Variants in PEAK1 observed in about 807,000 individuals in gnomAD.
The protein encoded by PEAK1 is inactive tyrosine-protein kinase PEAK1.
A neutral mutation model predicts 124.7 loss-of-function variants in PEAK1; 54 were observed. The observed-to-expected ratio is 0.43, with a 90% CI of 0.35 to 0.54. The LOEUF (loss-of-function observed/expected upper bound fraction) is 0.54. Ranked by LOEUF, PEAK1 falls within the 20% of genes least tolerant of loss-of-function variation. The pLI, the probability that PEAK1 is intolerant of heterozygous loss-of-function variation, is 0.01. For synonymous variants in PEAK1, 719 were observed against 760.0 expected, an observed-to-expected ratio of 0.95 and a Z score of 0.89; for missense variants, 2,046 against 2,134.5, an observed-to-expected ratio of 0.96 and a Z score of 0.82.
chr15:77,312,089 A>G (rs767158069), intron 2 of PEAK1, among the ~76,000 whole-genome samples: 1 of 152,102 alleles, frequency 6.6e-6, no homozygotes, highest in Non-Finnish European at 1.5e-5. Flanking sequence ...GGACCAAAAA[A>G]TTTTTACAAG....
At chr15:77,400,511 C>G (rs1362657602) in intron 1 of PEAK1, among the ~76,000 whole-genome samples, 2 of 152,010 alleles carry the variant, frequency 1.3e-5, no homozygotes, top group Non-Finnish European at 2.9e-5. Context: ...TATGCAACAA[C>G]ATGGATGGAA....
At chr15:77,137,796 G>A (rs149744127) in intron 8 of PEAK1, among the ~76,000 whole-genome samples, 22 of 152,272 alleles carry the variant, frequency 1.4e-4, no homozygotes, top group African/African-American at 5.1e-4. Context: ...GGCCTGATAG[G>A]TTTTGAAATG....
Position 77,298,197 on chromosome 15 carries a change from A to ATTTTTTTTTTTTTTTTT in PEAK1, c.-602-11710_-602-11694dup, listed in dbSNP as rs749000554. 5.3e-4 allele frequency among the ~76,000 whole-genome samples: 20 copies of ATTTTTTTTTTTTTTTTT among 37,822 alleles called. 3 individuals carry two copies. Among genetic ancestry groups the ATTTTTTTTTTTTTTTTT allele is most frequent in the Admixed American group, 1.9e-3 (4 of 2,148 alleles). The allele number at this position is 37,822 out of a possible 152,430, so 24.8% of individuals were successfully genotyped here. A position where few individuals can be genotyped will look rare whatever the true frequency, so the allele number is the denominator to read the frequency against. ...TAGCTTCTTTTGTTTGGTATCCTTAATTTTTTTTTTTTTTTTTTTTTTTTT... is the reference window on the plus strand; with the variant it reads ...TAGCTTCTTTTGTTTGGTATCCTTAATTTTTTTTTTTTTTTTTTTTTTTTTTTTTTTTTTTTTTTTTT... On this transcript the variant is annotated intron_variant, in intron 2 of 9. Transcript: ENST00000682557.
intron 3 of PEAK1, 107 bp downstream of exon 3, chr15:77,286,316 G>A (rs2062929184): frequency 5.5e-6 from 3 of 547,112 alleles, no homozygotes; most frequent in Non-Finnish European, 8.2e-6. Context: ...TACTACTATG[G>A]CAAGGTTTAA....
At chr15:77,266,104 G>T (rs1413950359) in intron 5 of PEAK1, among the ~76,000 whole-genome samples, 1 of 152,080 alleles carries the variant, frequency 6.6e-6, no homozygotes, top group Non-Finnish European at 1.5e-5. Context: ...GACTGTTGTG[G>T]GGTGGGGAGA....
chr15:77,417,932 A>G (rs1029016300), intron 1 of PEAK1: 2 of 976,322 alleles, frequency 2.0e-6, no homozygotes, highest in African/African-American at 3.5e-5. Context: ...TTAAGCTCTC[A>G]GACTTAAATA....
chr15:77,138,879 T>G (rs145756264), intron 8 of PEAK1, among the ~76,000 whole-genome samples: 3,994 of 146,944 alleles, frequency 0.027, 88 homozygotes, highest in Non-Finnish European at 0.041. Flanking sequence ...AAAAAAAAAT[T>G]GTTTTTTCTT....
chr15:77,412,732 T>C (rs901958993), intron 1 of PEAK1, among the ~76,000 whole-genome samples: 2 of 151,574 alleles, frequency 1.3e-5, no homozygotes, highest in Non-Finnish European at 2.9e-5. Context: ...CATCCTCCAA[T>C]GAAAGGAACC....
chr15:77,253,549 T>C (rs892591636), intron 5 of PEAK1, among the ~76,000 whole-genome samples: 1 of 152,234 alleles, frequency 6.6e-6, no homozygotes. Context: ...GTAGTTCTTA[T>C]ATTGTATGTC....
At chr15:77,257,902 G>T (rs1445700779) in intron 5 of PEAK1, among the ~76,000 whole-genome samples, 1 of 152,122 alleles carries the variant, frequency 6.6e-6, no homozygotes, top group South Asian at 2.1e-4. Context: ...ATTGATTTTT[G>T]TATAAGGTGT....
intron 6 of PEAK1, among the ~76,000 whole-genome samples, chr15:77,198,905 G>T (rs12916825): frequency 0.072 from 10,971 of 152,264 alleles, 538 homozygotes; most frequent in Non-Finnish European, 0.1. Flanking sequence ...ATTGAGGAAG[G>T]ATATCTGCCT....
intron 2 of PEAK1, chr15:77,333,974 T>C (rs2066044114): frequency 2.4e-6 from 1 of 416,518 alleles, no homozygotes; most frequent in African/African-American, 2.2e-5. Context: ...TTGATTAGAA[T>C]TGCATCAAAT....
Position 77,418,353 on chromosome 15 carries a change from C to G in PEAK1, c.-666+1653G>C, listed in dbSNP as rs998983453. 10 of 984,960 alleles carry G rather than the reference C, an allele frequency of 1.0e-5. No individual in the cohort carries two copies. The African/African-American group carries it at 1.7e-4, about 17-fold the overall frequency. The allele number at this position is 984,960 out of a possible 1,614,324, so 61.0% of individuals were successfully genotyped here. Reference sequence around the variant, plus strand: ...AAAGAAAATAATTTGACATTTTTTCCCACATAATGTAGTCATGTTAGAGAA... The same window carrying G: ...AAAGAAAATAATTTGACATTTTTTCGCACATAATGTAGTCATGTTAGAGAA... On this transcript the variant is annotated intron_variant, in intron 1 of 9. Transcript: ENST00000682557.
At chr15:77,118,196 G>C (rs2051569418) in intron 9 of PEAK1, among the ~76,000 whole-genome samples, 1 of 152,182 alleles carries the variant, frequency 6.6e-6, no homozygotes. Flanking sequence ...GAAGACTAGA[G>C]TGTAAAAGAG....
chr15:77,176,493 T>C lies in PEAK1; in HGVS notation c.3137+2297A>G, dbSNP rs538626435. Among the ~76,000 whole-genome samples, 141 of 152,086 alleles carry C rather than the reference T, an allele frequency of 9.3e-4. 1 individual carries two copies. Among genetic ancestry groups the C allele is most frequent in the Admixed American group, 2.6e-3 (40 of 15,270 alleles). On this transcript the variant is annotated intron_variant, in intron 7 of 9. Transcript: ENST00000682557. ...AAATTATCAGGACCCACCCCAGACC[T>C]ACTGAATAAAAAACTCCAGGGGTGG...
intron 8 of PEAK1, among the ~76,000 whole-genome samples, chr15:77,152,996 G>A (rs1480323338): frequency 6.6e-6 from 1 of 152,104 alleles, no homozygotes; most frequent in Non-Finnish European, 1.5e-5. Flanking sequence ...GGATGATGCT[G>A]GCCTCATAAA....
At chr15:77,141,284 C>A (rs1048516993) in intron 8 of PEAK1, among the ~76,000 whole-genome samples, 2 of 152,132 alleles carry the variant, frequency 1.3e-5, no homozygotes, top group Non-Finnish European at 2.9e-5. Flanking sequence ...GAAGACAATT[C>A]TATTTACAAC....
intron 2 of PEAK1, among the ~76,000 whole-genome samples, chr15:77,299,225 C>G (rs1327595483): frequency 6.6e-6 from 1 of 152,170 alleles, no homozygotes; most frequent in Non-Finnish European, 1.5e-5. Flanking sequence ...TTTCATTGAT[C>G]AGATGTATTC....
chr15:77,369,526 C>T (rs893389278), intron 1 of PEAK1, among the ~76,000 whole-genome samples: 3 of 152,038 alleles, frequency 2.0e-5, no homozygotes, highest in Non-Finnish European at 4.4e-5. Flanking sequence ...CAGCCCAGGG[C>T]CTGTTTTTGT....
Sources: allele counts gnomAD v4.1 joint callset (sites outside exome capture counted in the v4.1 genomes callset), GRCh38; gene constraint gnomAD v4.1.1; transcripts MANE v1.5; gene names NCBI Gene and HGNC (gene_info 2026-07-23, HGNC 2026-07-21).